MAN2A2: variants seen among roughly 807,000 people sequenced by gnomAD.
MAN2A2 encodes the protein mannosidase alpha class 2A member 2.
In MAN2A2, 79 loss-of-function variants were observed where a neutral mutation model predicts 126.8. That is an observed-to-expected ratio of 0.62 (90% CI 0.52 to 0.75). The LOEUF (loss-of-function observed/expected upper bound fraction) is 0.75. Ranked by LOEUF, MAN2A2 falls within the 30% of genes least tolerant of loss-of-function variation. MAN2A2 has a pLI of 0.00. For synonymous variants in MAN2A2, 671 were observed against 618.7 expected (o/e 1.08, Z -1.25); for missense variants, 1,392 against 1,522.4 (o/e 0.91, Z 1.43).
chr15:90,912,155 G>A lies in MAN2A2; in HGVS notation c.2222G>A (p.Arg741Gln), dbSNP rs150171248. Residue 741 changes from arginine (R) to glutamine (Q), a missense_variant, in exon 15 of 23, where the codon CGG becomes CAG. By Grantham distance (43) the Arg-to-Gln change is conservative. Transcript: ENST00000559717. ...PSSVRIYLHG[R>Q]QLSVSRHEAF... ...TCTGTGCGCATCTACCTGCACGGCC[G>A]GCAGCTGTCCGTCAGCAGGCACGAA... 355 of 1,613,920 alleles carry A rather than the reference G, an allele frequency of 2.2e-4. No individual in the cohort carries two copies. In the East Asian group the frequency reaches 6.4e-3, roughly 29 times the overall value.
At position 90,912,590 on chromosome 15, in the gene MAN2A2, G is replaced by T. The variant is rs548881049; in HGVS notation, c.2395G>T (p.Val799Phe). The change falls in exon 16 of 23, where the codon GTC becomes TTC. Residue 799 changes from valine (V) to phenylalanine (F), a missense_variant. Transcript: ENST00000559717. ...GCACGAGCAGCAGGTGGACATGCAG[G>T]TCCTTGTCTATGGCACCCGTACGTC... is the stretch of plus-strand genomic sequence containing the variant. ...EEHEQQVDMQ[V>F]LVYGTRTSKD... The T allele has an allele frequency of 6.2e-7, 1 of 1,614,170 alleles. No homozygotes were observed. Among genetic ancestry groups the T allele is most frequent in the South Asian group, 1.1e-5 (1 of 91,088 alleles).
chr15:90,906,683 G>A lies in MAN2A2; in HGVS notation c.836-57G>A, dbSNP rs559211470. The A allele has an allele frequency of 1.4e-4, 224 of 1,587,140 alleles. 3 individuals are homozygous for A. The highest frequency in any genetic ancestry group is 9.1e-4 in the South Asian group (82 of 89,818). On this transcript the variant is annotated intron_variant, in intron 6 of 22. Coordinates refer to ENST00000559717, the MANE Select transcript of MAN2A2 (RefSeq NM_006122.4). The stretch of plus-strand genomic sequence containing the variant: ...CTGGGGTCCCAGCACCTGGAAGGCC[G>A]GGGGGCCAGCCCCTGAGGTGTGTTC...
rs1322879786 is a variant in MAN2A2 at position 90,912,344 on chromosome 15, G to A, written c.2346+65G>A. 18 of 1,584,984 alleles carry A rather than the reference G, an allele frequency of 1.1e-5. No homozygotes were observed. In the East Asian group the frequency reaches 3.6e-4, roughly 32 times the overall value. ...GTAGGGCGTGTGTGGTGGTGGCACT[G>A]TGCAGAGCGGCCTCCCGGCCCTGTG... On this transcript the variant is annotated intron_variant, in intron 15 of 22. Transcript: ENST00000559717.
chr15:90,909,582 C>A, intron 9 of MAN2A2, 78 bp downstream of exon 9: 1 of 1,422,188 alleles, frequency 7.0e-7, no homozygotes, highest in South Asian at 1.4e-5. Context: ...GCCCTGGGTT[C>A]CCAACTCGGG....
rs375914577 is a variant in MAN2A2 at position 90,910,850 on chromosome 15, T to C, written c.1764T>C (p.Leu588=). 2.9e-5 allele frequency: 46 copies of C among 1,613,722 alleles called. No homozygotes were observed. The highest frequency in any genetic ancestry group is 1.6e-4 in the Middle Eastern group (1 of 6,084). ...CCCTCTCCTGCGCCACCCACAGGCT[T>C]CTGCGCTCCCTTGTCAACCTGAAGC... is the stretch of plus-strand genomic sequence containing the variant. ...EAVVVDYGVR[L]LRSLVNLKQV... The change falls in exon 12 of 23, where the codon CTT becomes CTC. Residue 588 remains leucine, a synonymous_variant. Transcript: ENST00000559717.
intron 19 of MAN2A2, among the ~76,000 whole-genome samples, chr15:90,914,160 C>A (rs1284268410): frequency 6.6e-6 from 1 of 152,192 alleles, no homozygotes; most frequent in Admixed American, 6.5e-5. Context: ...GAGACCCAGG[C>A]TCTACAAAAA....
intron 18 of MAN2A2, 82 bp from the exon 19 acceptor site, chr15:90,913,532 A>G (rs1307249027): frequency 1.9e-6 from 3 of 1,566,134 alleles, no homozygotes; most frequent in African/African-American, 1.4e-5. Context: ...GCGAAGAGTT[A>G]TCGGGGACTC....
intron 22 of MAN2A2, 51 bp from the exon 23 acceptor site, chr15:90,919,584 T>C: frequency 6.3e-7 from 1 of 1,598,488 alleles, no homozygotes; most frequent in Non-Finnish European, 8.5e-7. Context: ...AGCCACATTC[T>C]TTAGTGTCTC....
intron 17 of MAN2A2, 99 bp downstream of exon 17, chr15:90,913,090 C>T (rs1056031573): frequency 3.9e-5 from 45 of 1,161,228 alleles, no homozygotes; most frequent in African/African-American, 3.4e-4. Context: ...ACCTCTGTTC[C>T]GTATCATTTG....
Position 90,918,243 on chromosome 15 carries a change from C to T in MAN2A2, c.3044C>T (p.Thr1015Ile). 6.2e-7 allele frequency: 1 copy of T among 1,614,086 alleles called. No homozygotes were observed. The highest frequency in any genetic ancestry group is 1.1e-5 in the South Asian group (1 of 91,068). The change falls in exon 21 of 23, where the codon ACC becomes ATC. Residue 1015 changes from threonine (T) to isoleucine (I), a missense_variant. Thr to Ile is a moderately conservative substitution (Grantham distance 89, BLOSUM62 -1). Coordinates refer to ENST00000559717, the MANE Select transcript of MAN2A2 (RefSeq NM_006122.4). ...TACCCATCCCTCCTCAGCCACCTGA[C>T]CTCCATGTACCTGAACGCCCCGGCG... Reference protein sequence around the residue: ...TSYPSLLSHLTSMYLNAPALA... With the variant: ...TSYPSLLSHLISMYLNAPALA...
Position 90,909,499 on chromosome 15 carries a change from G to T in MAN2A2, c.1369G>T (p.Val457Leu). The T allele has an allele frequency of 6.2e-7, 1 of 1,611,884 alleles. No homozygotes were observed. Among genetic ancestry groups the T allele is most frequent in the Non-Finnish European group, 8.5e-7 (1 of 1,178,200 alleles). ...CTTCAACAGCAGGCCTAACCTCCAT[G>T]TGCAGGTGTGAGGGGCACTTGACTG... ...DFFNSRPNLH[V>L]QAQFGTLSDY... Residue 457 changes from valine to leucine, a missense_variant, in exon 9 of 23, where the codon GTG (valine) becomes TTG (leucine). Val to Leu is a conservative substitution (Grantham distance 32). Coordinates refer to ENST00000559717, the MANE Select transcript of MAN2A2 (RefSeq NM_006122.4).
chr15:90,902,726 C>T (rs1398171784), upstream of MAN2A2: 1 of 147,898 alleles, frequency 6.8e-6, no homozygotes, highest in East Asian at 2.0e-4. Flanking sequence ...GCTGTCCCCG[C>T]CCCGCACGCT....
rs112230526 is a variant in MAN2A2 at position 90,912,751 on chromosome 15, G to A, written c.2469+87G>A. 2,916 of 1,592,176 alleles carry A rather than the reference G, an allele frequency of 1.8e-3. 47 individuals carry two copies. The African/African-American group carries it at 0.035, about 19-fold the overall frequency. ...ACAGGTTTATTGCTGCCTGCCAGGGGCCTTGTCTTTCCTGTTCAGCCCAGG... is the reference window on the plus strand; with the variant it reads ...ACAGGTTTATTGCTGCCTGCCAGGGACCTTGTCTTTCCTGTTCAGCCCAGG... On this transcript the variant is annotated intron_variant, in intron 16 of 22. Transcript: ENST00000559717.
chr15:90,910,262 G>A lies in MAN2A2; in HGVS notation c.1547G>A (p.Ser516Asn). The change falls in exon 10 of 23, where the codon AGC (serine) becomes AAC (asparagine). Residue 516 changes from serine to asparagine, a missense_variant. Transcript: ENST00000559717. ...GYYTSRPFYK[S>N]LDRVLEAHLR... ...TACACTTCCCGGCCCTTCTACAAGA[G>A]CTTAGACCGAGTCCTGGAAGCCCAC... 1 of 1,614,180 alleles carries A rather than the reference G, an allele frequency of 6.2e-7. No individual in the cohort carries two copies.
chr15:90,916,147 G>T lies in MAN2A2; in HGVS notation c.2885G>T (p.Arg962Leu), dbSNP rs1228275598. 1.9e-6 allele frequency: 3 copies of T among 1,614,012 alleles called. No homozygotes were observed. Among genetic ancestry groups the T allele is most frequent in the Non-Finnish European group, 1.7e-6 (2 of 1,180,006 alleles). The part of the protein sequence containing the change: ...KDGQLEVILD[R>L]RLMQDDNRGL... ...GGCCAGCTGGAGGTGATCTTGGACC[G>T]GCGGCTGATGCAGGATGACAACCGG... Residue 962 changes from arginine to leucine, a missense_variant, in exon 20 of 23, where the codon CGG becomes CTG. By Grantham distance (102) the Arg-to-Leu change is moderately radical. Transcript: ENST00000559717.
At position 90,907,314 on chromosome 15, in the gene MAN2A2, G is replaced by C. The variant is rs1445428485; in HGVS notation, c.1015G>C (p.Asp339His). The C allele has an allele frequency of 6.2e-7, 1 of 1,613,144 alleles. No homozygotes were observed. Among genetic ancestry groups the C allele is most frequent in the East Asian group, 2.2e-5 (1 of 44,876 alleles). ...ACGTGGTGTGTCTCCTGCAGACTCG[G>C]ACTCCAGCACAGACATCTTCTGTCA... ...EFMWRQTWDS[D>H]SSTDIFCHMM... Residue 339 changes from aspartate (D) to histidine (H), a missense_variant, in exon 8 of 23, where the codon GAC becomes CAC. Transcript: ENST00000559717.
At chr15:90,916,698 C>T (rs1356829298) in intron 20 of MAN2A2, 1 of 1,279,374 alleles carries the variant, frequency 7.8e-7, no homozygotes, top group Non-Finnish European at 1.0e-6. Flanking sequence ...CTAGTACGAG[C>T]AAGGTGTAGC....
Position 90,906,747 on chromosome 15 carries a change from C to G in MAN2A2, c.843C>G (p.Thr281=), listed in dbSNP as rs749536282. The G allele has an allele frequency of 1.9e-6, 3 of 1,611,972 alleles. No individual in the cohort carries two copies. Among genetic ancestry groups the G allele is most frequent in the Non-Finnish European group, 2.5e-6 (3 of 1,179,936 alleles). ...HQWLERNLGA[T]PRSGWAVDPF... ...CTTCCATGCCCTGCCCAGGTGCAACCCCCCGCTCTGGCTGGGCAGTGGACC... is the reference window on the plus strand; with the variant it reads ...CTTCCATGCCCTGCCCAGGTGCAACGCCCCGCTCTGGCTGGGCAGTGGACC... The change falls in exon 7 of 23, where the codon ACC becomes ACG. Residue 281 remains threonine (T), a synonymous_variant. Transcript: ENST00000559717.
rs989929780 is a variant in MAN2A2, at chr15:90,916,127, G to A, written c.2865G>A (p.Gln955=). Residue 955 remains glutamine, a synonymous_variant, in exon 20 of 23, where the codon CAG becomes CAA. Coordinates refer to ENST00000559717, the MANE Select transcript of MAN2A2 (RefSeq NM_006122.4). ...ALGVSSLKDG[Q]LEVILDRRLM... ...ACTCACTGTTTGCTTCCCCAGGCCA[G>A]CTGGAGGTGATCTTGGACCGGCGGC... 3.7e-6 allele frequency: 6 copies of A among 1,613,928 alleles called. No individual in the cohort carries two copies. In the Admixed American group the frequency reaches 6.7e-5, roughly 18 times the overall value.
Sources: gnomAD v4.1 joint callset for allele counts (sites outside exome capture counted in the v4.1 genomes callset) on GRCh38, gnomAD v4.1.1 for gene constraint, MANE v1.5 for transcripts, NCBI Gene and HGNC (gene_info 2026-07-23, HGNC 2026-07-21) for gene names.